RABGAP1L: variants seen among roughly 807,000 people sequenced by gnomAD.
The protein encoded by RABGAP1L is rab GTPase-activating protein 1-like.
In RABGAP1L, 63 loss-of-function variants were observed where a neutral mutation model predicts 137.7. The ratio of observed to expected loss-of-function variants is 0.46; its 90% CI spans 0.37 to 0.56. The LOEUF (loss-of-function observed/expected upper bound fraction) is 0.56, where lower values mean the gene tolerates loss of function less well. RABGAP1L is among the 20% of genes least tolerant of loss of function. The probability of loss-of-function intolerance (pLI) is 0.00; values close to 1 mark genes in which losing one functional copy is unlikely to be tolerated. For synonymous variants in RABGAP1L, 431 were observed against 433.7 expected (o/e 0.99, Z 0.08); for missense variants, 1,095 against 1,244.0 (o/e 0.88, Z 1.80).
At chr1:174,954,542 A>G (rs1668226582) in intron 19 of RABGAP1L, among the ~76,000 whole-genome samples, 1 of 152,212 alleles carries the variant, frequency 6.6e-6, no homozygotes, top group Non-Finnish European at 1.5e-5. Context: ...AAAATTGATA[A>G]TAGTTTGAAG....
intron 18 of RABGAP1L, among the ~76,000 whole-genome samples, chr1:174,775,599 C>T (rs1686466952): frequency 6.6e-6 from 1 of 152,124 alleles, no homozygotes; most frequent in South Asian, 2.1e-4. Flanking sequence ...AGACGTGAGC[C>T]ACTGTGCCTG....
intron 13 of RABGAP1L, among the ~76,000 whole-genome samples, chr1:174,540,172 C>A (rs1053679182): frequency 6.6e-6 from 1 of 152,066 alleles, no homozygotes; most frequent in Non-Finnish European, 1.5e-5. Flanking sequence ...TGTTTAAGTT[C>A]TTTGTAGATT....
intron 13 of RABGAP1L, among the ~76,000 whole-genome samples, chr1:174,488,880 A>G (rs1182242017): frequency 2.7e-5 from 4 of 150,648 alleles, no homozygotes; most frequent in Non-Finnish European, 5.9e-5. Flanking sequence ...CTCATCATTT[A>G]CATTAGGTAT....
rs770360979 is a variant in RABGAP1L, at chr1:174,231,224, A to T, written c.411A>T (p.Leu137Phe). The change falls in exon 4 of 26, where the codon TTA becomes TTT. Residue 137 changes from leucine to phenylalanine, a missense_variant. By Grantham distance (22) the Leu-to-Phe change is conservative (BLOSUM62 0). Around this residue, in one of 4 missense-constraint regions of RABGAP1L, gnomAD observed 356 missense variants for 326.3 expected, o/e 1.09. Transcript: ENST00000681986. ...DSVLFNKLTY[L>F]GCMKVSSPRN... Reference sequence around the variant, plus strand: ...TTTTATTTAATAAACTGACCTACTTAGGATGTATGAAGGTTTCTTCCCCAC... The same window carrying T: ...TTTTATTTAATAAACTGACCTACTTTGGATGTATGAAGGTTTCTTCCCCAC... 4 of 1,613,902 alleles carry T rather than the reference A, an allele frequency of 2.5e-6. No individual in the cohort carries two copies. Among genetic ancestry groups the T allele is most frequent in the Non-Finnish European group, 3.4e-6 (4 of 1,179,824 alleles).
At chr1:174,697,635 A>T (rs1679364903) in intron 15 of RABGAP1L, among the ~76,000 whole-genome samples, 1 of 152,194 alleles carries the variant, frequency 6.6e-6, no homozygotes, top group South Asian at 2.1e-4. Context: ...CAGTTATCTT[A>T]CATGCAGCTA....
At chr1:174,348,427 GTTTCTA>G (rs1021937675) in intron 11 of RABGAP1L, among the ~76,000 whole-genome samples, 4 of 149,770 alleles carry the variant, frequency 2.7e-5, no homozygotes, top group African/African-American at 4.9e-5. Context: ...ACTTTTTGTT[GTTTCTA>G]TTTATTTTTT....
At chr1:174,534,187 TA>T (rs1664689527) in intron 13 of RABGAP1L, among the ~76,000 whole-genome samples, 1 of 146,274 alleles carries the variant, frequency 6.8e-6, no homozygotes, top group South Asian at 2.2e-4. Context: ...TGTGTGTCCC[TA>T]AACAATATTT....
chr1:174,833,299 A>C (rs1249015444), intron 19 of RABGAP1L, among the ~76,000 whole-genome samples: 1 of 150,122 alleles, frequency 6.7e-6, no homozygotes. Context: ...TCCTAGGTTC[A>C]AGAGATCCTC....
chr1:174,573,044 G>A (rs1194242794), intron 13 of RABGAP1L, among the ~76,000 whole-genome samples: 1 of 151,468 alleles, frequency 6.6e-6, no homozygotes, highest in Non-Finnish European at 1.5e-5. Flanking sequence ...TGTAGAAAAG[G>A]CAGAACCTCT....
intron 13 of RABGAP1L, among the ~76,000 whole-genome samples, chr1:174,518,171 TTGTC>T (rs1181274639): frequency 2.6e-5 from 4 of 152,166 alleles, no homozygotes; most frequent in Non-Finnish European, 4.4e-5. Flanking sequence ...CTGATTTAAG[TTGTC>T]TGGGACAAGG....
chr1:174,237,535 A>G (rs1257850273), intron 4 of RABGAP1L, among the ~76,000 whole-genome samples: 1 of 51,872 alleles, frequency 1.9e-5, no homozygotes, highest in African/African-American at 8.5e-5. Flanking sequence ...TATGAAGCTT[A>G]GTTTGGCTGG....
At chr1:174,318,893 A>T (rs1238760484) in intron 11 of RABGAP1L, among the ~76,000 whole-genome samples, 1 of 151,862 alleles carries the variant, frequency 6.6e-6, no homozygotes, top group Non-Finnish European at 1.5e-5. Flanking sequence ...ACAATTTTTG[A>T]TACTACAGTT....
At chr1:174,847,438 C>G (rs9729298) in intron 19 of RABGAP1L, among the ~76,000 whole-genome samples, 8,434 of 150,484 alleles carry the variant, frequency 0.056, 306 homozygotes, top group Non-Finnish European at 0.086. Context: ...GACAAAATCT[C>G]TCAGCATTTG....
intron 13 of RABGAP1L, among the ~76,000 whole-genome samples, chr1:174,419,318 C>T (rs1360285928): frequency 6.6e-6 from 1 of 152,268 alleles, no homozygotes; most frequent in Non-Finnish European, 1.5e-5. Flanking sequence ...AACAAGCTAT[C>T]AGGCAATGTC....
In RABGAP1L at chr1:174,994,313, G is replaced by C. The variant is rs1672242558; in HGVS notation, c.*4312G>C. ...GAGATTTTAGTGACTGCAGTCAGCTGTCTGGCATTCCTTTCTCAGTTTGCA... is the reference window on the plus strand; with the variant it reads ...GAGATTTTAGTGACTGCAGTCAGCTCTCTGGCATTCCTTTCTCAGTTTGCA... On this transcript the variant is annotated 3_prime_UTR_variant, in exon 26 of 26. Coordinates refer to ENST00000681986, the MANE Select transcript of RABGAP1L (RefSeq NM_001366446.1). 1 of 152,204 alleles carries C rather than the reference G, an allele frequency of 6.6e-6. No homozygotes were observed. Among genetic ancestry groups the C allele is most frequent in the South Asian group, 2.1e-4 (1 of 4,838 alleles). 9.4% of individuals were successfully genotyped at this position (152,204 alleles called of 1,614,324 possible).
In RABGAP1L at chr1:174,874,459, C is replaced by G; in HGVS notation, c.2340+62499C>G. 4 of 985,200 alleles carry G rather than the reference C, an allele frequency of 4.1e-6. No homozygotes were observed. In the South Asian group the frequency reaches 1.9e-4, roughly 46 times the overall value. The allele number at this position is 985,200 out of a possible 1,614,324, so 61.0% of individuals were successfully genotyped here. ...GAACTGAGGACCATCTATTTGGTTA[C>G]CGGGAGTGTGGCTGGTTTCTGTTGC... is the stretch of plus-strand genomic sequence containing the variant. On this transcript the variant is annotated intron_variant, in intron 19 of 25. Coordinates refer to ENST00000681986, the MANE Select transcript of RABGAP1L (RefSeq NM_001366446.1).
chr1:174,406,019 G>T (rs1205665353), intron 13 of RABGAP1L, among the ~76,000 whole-genome samples: 4 of 151,870 alleles, frequency 2.6e-5, no homozygotes, highest in Admixed American at 1.3e-4. Flanking sequence ...GAGAAACTAA[G>T]AATTAATGAA....
At chr1:174,785,262 CTG>C (rs1294294223) in intron 18 of RABGAP1L, among the ~76,000 whole-genome samples, 1 of 152,136 alleles carries the variant, frequency 6.6e-6, no homozygotes, top group African/African-American at 2.4e-5. Context: ...CAGGGTTTCA[CTG>C]TGTTGGCCAG....
chr1:174,662,034 TATAAA>T (rs886894408), intron 14 of RABGAP1L, among the ~76,000 whole-genome samples: 1 of 152,088 alleles, frequency 6.6e-6, no homozygotes, highest in African/African-American at 2.4e-5. Flanking sequence ...TTCTTCTACT[TATAAA>T]ATAACCATAA....
Sources: allele counts gnomAD v4.1 joint callset (sites outside exome capture counted in the v4.1 genomes callset), GRCh38; gene constraint gnomAD v4.1.1; regional missense constraint gnomAD v4.1.1; transcripts MANE v1.5; gene names NCBI Gene and HGNC (gene_info 2026-07-23, HGNC 2026-07-21).